Variants in MAP7 observed in about 807,000 individuals in gnomAD.
MAP7 encodes the protein ensconsin.
Under a neutral mutation model 94.8 loss-of-function variants are expected in MAP7, and 52 were observed. That is an observed-to-expected ratio of 0.55 (90% CI 0.44 to 0.69). The LOEUF is 0.69. Among genes scored for constraint, MAP7 ranks in the 30% least tolerant of loss-of-function variants. MAP7 has a pLI of 0.00. For missense variants in MAP7, 940 were observed against 964.6 expected (o/e 0.97, Z 0.34); for synonymous variants, 350 against 357.0 (o/e 0.98, Z 0.22).
chr6:136,371,575 A>C (rs1026080589), intron 8 of MAP7, among the ~76,000 whole-genome samples: 1 of 152,238 alleles, frequency 6.6e-6, no homozygotes, highest in African/African-American at 2.4e-5. Flanking sequence ...AATCCTTTTA[A>C]GTGTCCATCA....
chr6:136,368,675 A>G (rs1369219448), intron 8 of MAP7, among the ~76,000 whole-genome samples: 1 of 152,224 alleles, frequency 6.6e-6, no homozygotes, highest in Non-Finnish European at 1.5e-5. Flanking sequence ...GGAATAAAGT[A>G]CTTAGGAATG....
intron 16 of MAP7, 77 bp downstream of exon 16, chr6:136,356,615 A>G: frequency 8.6e-7 from 1 of 1,165,734 alleles, no homozygotes; most frequent in African/African-American, 1.5e-5. Context: ...TCCTAATGTT[A>G]AGACTTTGAA....
At chr6:136,451,963 G>T (rs1262007388) in intron 1 of MAP7, among the ~76,000 whole-genome samples, 4 of 152,226 alleles carry the variant, frequency 2.6e-5, no homozygotes, top group African/African-American at 9.6e-5. Flanking sequence ...TTGGGAGGCT[G>T]AGGTGGGCAG....
At chr6:136,539,839 G>C (rs575242661) in intron 1 of MAP7, among the ~76,000 whole-genome samples, 73 of 152,228 alleles carry the variant, frequency 4.8e-4, no homozygotes, top group African/African-American at 1.6e-3. Flanking sequence ...AATTAGCCAG[G>C]CTGATGGCAT....
At chr6:136,502,795 A>T (rs1392727598) in intron 1 of MAP7, among the ~76,000 whole-genome samples, 3 of 152,212 alleles carry the variant, frequency 2.0e-5, no homozygotes, top group African/African-American at 7.2e-5. Context: ...CACTCTTATA[A>T]TTGATATGAA....
At chr6:136,518,068 A>G (rs1331261929) in intron 1 of MAP7, among the ~76,000 whole-genome samples, 1 of 152,096 alleles carries the variant, frequency 6.6e-6, no homozygotes, top group African/African-American at 2.4e-5. Flanking sequence ...AAGCAATCCT[A>G]TTAGGAGTAT....
At chr6:136,483,348 G>C (rs13220294) in intron 1 of MAP7, among the ~76,000 whole-genome samples, 1 of 151,748 alleles carries the variant, frequency 6.6e-6, no homozygotes, top group Non-Finnish European at 1.5e-5. Context: ...ACAGACACCA[G>C]GGCCTTCTTG....
intron 6 of MAP7, among the ~76,000 whole-genome samples, chr6:136,382,963 T>G (rs1202706957): frequency 6.6e-6 from 1 of 152,222 alleles, no homozygotes; most frequent in Non-Finnish European, 1.5e-5. Context: ...TTTTTTTCAT[T>G]CTATGATCTA....
intron 1 of MAP7, among the ~76,000 whole-genome samples, chr6:136,454,272 GATCTATCT>G (rs57308742): frequency 0.013 from 1,828 of 141,454 alleles, 23 homozygotes; most frequent in East Asian, 0.061. Flanking sequence ...CTACCTAAAT[GATCTATCT>G]ATCTATCTAT....
At chr6:136,388,316 A>G in intron 5 of MAP7, 77 bp downstream of exon 5, 1 of 1,069,964 alleles carries the variant, frequency 9.3e-7, no homozygotes, top group Non-Finnish European at 1.4e-6. Flanking sequence ...TCGCAAACAT[A>G]GATTTAGAAG....
chr6:136,475,546 G>A (rs1175963000), intron 1 of MAP7, among the ~76,000 whole-genome samples: 1 of 152,150 alleles, frequency 6.6e-6, no homozygotes, highest in Non-Finnish European at 1.5e-5. Context: ...CCTTCTTGAT[G>A]TGTTGTTGAT....
chr6:136,452,109 G>A (rs958617919), intron 1 of MAP7, among the ~76,000 whole-genome samples: 13 of 152,146 alleles, frequency 8.5e-5, no homozygotes, highest in Admixed American at 7.2e-4. Flanking sequence ...CAGGAGAATC[G>A]CTTGAACCTG....
At chr6:136,464,270 C>A (rs1483689877) in intron 1 of MAP7, among the ~76,000 whole-genome samples, 1 of 152,128 alleles carries the variant, frequency 6.6e-6, no homozygotes, top group African/African-American at 2.4e-5. Context: ...TAGAACAAAC[C>A]AGTAGTGGTC....
intron 8 of MAP7, among the ~76,000 whole-genome samples, chr6:136,368,659 TC>T (rs1189283166): frequency 3.3e-5 from 5 of 152,132 alleles, no homozygotes; most frequent in Admixed American, 2.0e-4. Context: ...TCCTATAGCA[TC>T]CAAAGGAATA....
At chr6:136,485,782 T>G (rs1356333434) in intron 1 of MAP7, among the ~76,000 whole-genome samples, 1 of 151,996 alleles carries the variant, frequency 6.6e-6, no homozygotes, top group Non-Finnish European at 1.5e-5. Flanking sequence ...CGGGATGGTC[T>G]CGATCTCCTG....
At chr6:136,442,405 CAAAAA>C (rs549791806) in intron 1 of MAP7, among the ~76,000 whole-genome samples, 2 of 90,648 alleles carry the variant, frequency 2.2e-5, no homozygotes. Flanking sequence ...ACTCTGTCTC[CAAAAA>C]AAAAAAAAAA....
intron 9 of MAP7, 122 bp from the exon 10 acceptor site, chr6:136,366,140 T>C: frequency 1.8e-6 from 2 of 1,126,804 alleles, no homozygotes; most frequent in South Asian, 1.6e-5. Flanking sequence ...GTTTTTTATG[T>C]GGTAGATACA....
chr6:136,412,327 T>C (rs1257103594), intron 2 of MAP7, among the ~76,000 whole-genome samples: 1 of 152,100 alleles, frequency 6.6e-6, no homozygotes, highest in Non-Finnish European at 1.5e-5. Flanking sequence ...CTGTTCTGTA[T>C]ACTGAAAAGA....
intron 5 of MAP7, among the ~76,000 whole-genome samples, chr6:136,387,263 T>G (rs1169428335): frequency 2.6e-5 from 4 of 152,192 alleles, no homozygotes; most frequent in Admixed American, 6.5e-5. Context: ...GGAAAAAAGC[T>G]AAACTGGAAG....
Sources: gnomAD v4.1 joint callset for allele counts (sites outside exome capture counted in the v4.1 genomes callset) on GRCh38, gnomAD v4.1.1 for gene constraint, MANE v1.5 for transcripts, NCBI Gene and HGNC (gene_info 2026-07-23, HGNC 2026-07-21) for gene names.